PCDH7: variants seen among roughly 807,000 people sequenced by gnomAD.
PCDH7 encodes protocadherin-7.
Under a neutral mutation model 58.9 loss-of-function variants are expected in PCDH7, and 17 were observed. That is an observed-to-expected ratio of 0.29 (90% CI 0.20 to 0.43). The LOEUF (loss-of-function observed/expected upper bound fraction) is 0.43. PCDH7 is among the 20% of genes least tolerant of loss of function. The pLI, the probability that PCDH7 is intolerant of heterozygous loss-of-function variation, is 1.00. For missense variants in PCDH7, 1,274 were observed against 1,441.0 expected (o/e 0.88, Z 1.88); for synonymous variants, 664 against 616.4 (o/e 1.08, Z -1.14).
intron 1 of PCDH7, among the ~76,000 whole-genome samples, chr4:30,779,562 G>T (rs560801373): frequency 6.6e-6 from 1 of 152,098 alleles, no homozygotes; most frequent in Non-Finnish European, 1.5e-5. Context: ...AGAAATTCAC[G>T]TATTATCAAC....
At chr4:30,959,245 TC>T (rs1748154763) in intron 3 of PCDH7, among the ~76,000 whole-genome samples, 1 of 141,788 alleles carries the variant, frequency 7.1e-6, no homozygotes, top group South Asian at 2.3e-4. Context: ...AATTGGAAAG[TC>T]TTTTTTTTTT....
chr4:30,956,964 C>T (rs1321963271), intron 3 of PCDH7, among the ~76,000 whole-genome samples: 2 of 152,102 alleles, frequency 1.3e-5, no homozygotes, highest in African/African-American at 2.4e-5. Context: ...ACGTGGAGGT[C>T]GGCATCCCTT....
chr4:30,791,310 T>A (rs1181777392), intron 1 of PCDH7, among the ~76,000 whole-genome samples: 1 of 152,190 alleles, frequency 6.6e-6, no homozygotes. Flanking sequence ...GAGTGAACTT[T>A]GGACAAATTA....
At chr4:30,816,299 T>G (rs1727659817) in intron 1 of PCDH7, among the ~76,000 whole-genome samples, 1 of 152,190 alleles carries the variant, frequency 6.6e-6, no homozygotes, top group Non-Finnish European at 1.5e-5. Context: ...CATATTTTGC[T>G]TTAAAATAAA....
intron 1 of PCDH7, among the ~76,000 whole-genome samples, chr4:30,824,470 C>A (rs544274586): frequency 6.6e-5 from 10 of 152,038 alleles, no homozygotes; most frequent in African/African-American, 2.2e-4. Context: ...GGATGGTATA[C>A]GTTAACTTTG....
At chr4:30,779,225 A>G (rs1238107149) in intron 1 of PCDH7, among the ~76,000 whole-genome samples, 1 of 151,538 alleles carries the variant, frequency 6.6e-6, no homozygotes, top group Non-Finnish European at 1.5e-5. Flanking sequence ...GGGTTTTGCC[A>G]TGTTGCCCAG....
At chr4:30,759,069 G>C (rs1272077722) in intron 1 of PCDH7, among the ~76,000 whole-genome samples, 1 of 151,082 alleles carries the variant, frequency 6.6e-6, no homozygotes, top group Non-Finnish European at 1.5e-5. Context: ...AGCCTCCCGA[G>C]TAGTTGGGAT....
At chr4:31,089,814 G>A (rs1475872631) in intron 3 of PCDH7, among the ~76,000 whole-genome samples, 2 of 151,952 alleles carry the variant, frequency 1.3e-5, no homozygotes, top group Non-Finnish European at 2.9e-5. Context: ...ACTAACTCTC[G>A]AAGTATTACG....
chr4:30,770,604 C>T (rs1721279318), intron 1 of PCDH7, among the ~76,000 whole-genome samples: 1 of 152,140 alleles, frequency 6.6e-6, no homozygotes, highest in South Asian at 2.1e-4. Context: ...ATCATGCTAA[C>T]TACTCTTCTA....
intron 3 of PCDH7, among the ~76,000 whole-genome samples, chr4:31,001,540 C>G (rs1399061591): frequency 6.6e-6 from 1 of 152,064 alleles, no homozygotes; most frequent in Non-Finnish European, 1.5e-5. Context: ...TGATGACCAT[C>G]ATACCCACAC....
chr4:30,799,659 C>T (rs1206884412), intron 1 of PCDH7, among the ~76,000 whole-genome samples: 1 of 152,026 alleles, frequency 6.6e-6, no homozygotes, highest in African/African-American at 2.4e-5. Context: ...TGCTGTTACT[C>T]ATGATGTGAC....
chr4:31,114,291 G>A lies in PCDH7; in HGVS notation c.*8-28182G>A, dbSNP rs187174858. ...TGATGAGTAATTAAATATCTGCATG[G>A]CATCTTTGGGTAAATAATAAATCAG... is the stretch of plus-strand genomic sequence containing the variant. On this transcript the variant is annotated intron_variant, in intron 3 of 3. Transcript: ENST00000509759. 1.9e-3 allele frequency among the ~76,000 whole-genome samples: 290 copies of A among 151,920 alleles called. 2 individuals carry two copies. The highest frequency in any genetic ancestry group is 6.3e-3 in the African/African-American group (263 of 41,428).
chr4:30,747,151 T>G (rs1717886644), intron 1 of PCDH7, among the ~76,000 whole-genome samples: 1 of 152,344 alleles, frequency 6.6e-6, no homozygotes, highest in East Asian at 1.9e-4. Flanking sequence ...GTTGTTAAAA[T>G]GTTTTAGTAT....
At chr4:31,114,537 C>T (rs533391868) in intron 3 of PCDH7, among the ~76,000 whole-genome samples, 1 of 151,986 alleles carries the variant, frequency 6.6e-6, no homozygotes, top group South Asian at 2.1e-4. Flanking sequence ...TTTAGGCCCT[C>T]CATGAAATTG....
At chr4:30,895,616 G>A (rs996570016) in intron 1 of PCDH7, among the ~76,000 whole-genome samples, 18 of 152,050 alleles carry the variant, frequency 1.2e-4, no homozygotes, top group Admixed American at 1.2e-3. Flanking sequence ...AAAAGTTAGA[G>A]CAGGACATTA....
At chr4:30,948,535 T>G (rs1201178791) in intron 2 of PCDH7, among the ~76,000 whole-genome samples, 1 of 152,134 alleles carries the variant, frequency 6.6e-6, no homozygotes, top group Admixed American at 6.5e-5. Flanking sequence ...AATTCAAACT[T>G]TAAAATATTA....
chr4:30,870,740 G>A (rs1215115270), intron 1 of PCDH7, among the ~76,000 whole-genome samples: 4 of 152,170 alleles, frequency 2.6e-5, no homozygotes, highest in Middle Eastern at 6.8e-3. Flanking sequence ...TTTGCAGAAG[G>A]CAAAGCTGTC....
intron 1 of PCDH7, among the ~76,000 whole-genome samples, chr4:30,818,062 G>A (rs1039889132): frequency 2.0e-5 from 3 of 151,982 alleles, no homozygotes; most frequent in Non-Finnish European, 4.4e-5. Context: ...TCCCTGTCTG[G>A]GATCTGTACC....
intron 1 of PCDH7, among the ~76,000 whole-genome samples, chr4:30,741,499 TA>T (rs1717074118): frequency 1.3e-5 from 2 of 152,156 alleles, no homozygotes; most frequent in South Asian, 4.1e-4. Flanking sequence ...TGGCCAACAA[TA>T]AATATTAAAA....
Sources: allele counts gnomAD v4.1 joint callset (sites outside exome capture counted in the v4.1 genomes callset), GRCh38; gene constraint gnomAD v4.1.1; transcripts MANE v1.5; gene names NCBI Gene and HGNC (gene_info 2026-07-23, HGNC 2026-07-21).